Variants in GRM7 observed in about 807,000 individuals in gnomAD.
GRM7 encodes glutamate metabotropic receptor 7.
In GRM7, 35 loss-of-function variants were observed where a neutral mutation model predicts 84.5. The observed-to-expected ratio is 0.41, with a 90% CI of 0.32 to 0.55. GRM7 has a LOEUF of 0.55. GRM7 is among the 20% of genes least tolerant of loss of function. The pLI is 0.19. For synonymous variants in GRM7, 487 were observed against 455.1 expected, an observed-to-expected ratio of 1.07 and a Z score of -0.89; for missense variants, 1,003 against 1,194.6, an observed-to-expected ratio of 0.84 and a Z score of 2.36.
intron 7 of GRM7, among the ~76,000 whole-genome samples, chr3:7,478,761 C>A (rs777992904): frequency 3.0e-4 from 45 of 152,250 alleles, no homozygotes; most frequent in Non-Finnish European, 6.3e-4. Context: ...TTTTAGTACT[C>A]AAAGGTCATT....
intron 7 of GRM7, among the ~76,000 whole-genome samples, chr3:7,466,698 G>A (rs537784711): frequency 6.6e-6 from 1 of 152,314 alleles, no homozygotes; most frequent in African/African-American, 2.4e-5. Context: ...ACAGTGAACT[G>A]CATATTCTCT....
chr3:7,711,749 T>C (rs114804882), intron 9 of GRM7, among the ~76,000 whole-genome samples: 27 of 152,274 alleles, frequency 1.8e-4, no homozygotes, highest in East Asian at 5.8e-4. Context: ...CGCGGCACCA[T>C]TGGCGCCTTT....
chr3:7,186,836 T>A (rs1695532091), intron 2 of GRM7, among the ~76,000 whole-genome samples: 1 of 152,234 alleles, frequency 6.6e-6, no homozygotes. Flanking sequence ...CAAAGTTCTC[T>A]TGGGGCTAGT....
chr3:6,895,423 A>T (rs970465397), intron 1 of GRM7, among the ~76,000 whole-genome samples: 5 of 152,318 alleles, frequency 3.3e-5, no homozygotes, highest in Admixed American at 6.5e-5. Flanking sequence ...GACCATCAGA[A>T]TAACTGCTGT....
chr3:7,470,467 T>C (rs1559345608), intron 7 of GRM7, among the ~76,000 whole-genome samples: 1 of 152,208 alleles, frequency 6.6e-6, no homozygotes, highest in Non-Finnish European at 1.5e-5. Flanking sequence ...TTTCCTTTTG[T>C]CAGCATCTCT....
intron 2 of GRM7, among the ~76,000 whole-genome samples, chr3:7,217,473 A>G (rs923526924): frequency 6.6e-6 from 1 of 152,194 alleles, no homozygotes; most frequent in Non-Finnish European, 1.5e-5. Flanking sequence ...AGGAAAAAAA[A>G]TTACCAAGGC....
At chr3:7,013,642 G>A (rs886544166) in intron 1 of GRM7, among the ~76,000 whole-genome samples, 7 of 152,036 alleles carry the variant, frequency 4.6e-5, no homozygotes, top group African/African-American at 1.2e-4. Flanking sequence ...ATAAACTAGC[G>A]TGGTGGTGCG....
At position 7,091,550 on chromosome 3, in the gene GRM7, C is replaced by T. The variant is rs565270501; in HGVS notation, c.520-54902C>T. 1.1e-4 allele frequency among the ~76,000 whole-genome samples: 17 copies of T among 151,900 alleles called. No individual in the cohort carries two copies. The South Asian group carries it at 3.5e-3, about 32-fold the overall frequency. ...TGACCTTTTTGGCAGTGTCTACTCC[C>T]TTTTGGATTTTCACTCCCTTCCAGA... On this transcript the variant is annotated intron_variant, in intron 1 of 9. Coordinates refer to ENST00000357716, the MANE Select transcript of GRM7 (RefSeq NM_000844.4).
At chr3:7,010,254 C>T (rs968617622) in intron 1 of GRM7, among the ~76,000 whole-genome samples, 1 of 152,232 alleles carries the variant, frequency 6.6e-6, no homozygotes, top group South Asian at 2.1e-4. Flanking sequence ...AGTTGGAACC[C>T]AGCCTGGGCA....
At chr3:6,974,585 G>T (rs547543025) in intron 1 of GRM7, among the ~76,000 whole-genome samples, 2 of 152,128 alleles carry the variant, frequency 1.3e-5, no homozygotes, top group East Asian at 1.9e-4. Flanking sequence ...GGTAGGAAAA[G>T]AAAAAAGAGA....
chr3:7,474,903 C>T (rs763821538), intron 7 of GRM7, among the ~76,000 whole-genome samples: 10 of 152,082 alleles, frequency 6.6e-5, no homozygotes, highest in East Asian at 3.9e-4. Context: ...AATAACCAGT[C>T]GTATACTTAG....
intron 1 of GRM7, among the ~76,000 whole-genome samples, chr3:7,030,933 C>G (rs1696162417): frequency 6.6e-6 from 1 of 152,138 alleles, no homozygotes; most frequent in Non-Finnish European, 1.5e-5. Flanking sequence ...AAAACATCCT[C>G]CTCTCTTGCT....
intron 5 of GRM7, among the ~76,000 whole-genome samples, chr3:7,440,102 C>G (rs1169740158): frequency 6.6e-6 from 1 of 152,146 alleles, no homozygotes; most frequent in Non-Finnish European, 1.5e-5. Context: ...GGGATGAGAG[C>G]TTAGCAGATA....
At chr3:7,615,551 T>C (rs912622504) in intron 8 of GRM7, among the ~76,000 whole-genome samples, 5 of 152,168 alleles carry the variant, frequency 3.3e-5, no homozygotes, top group African/African-American at 1.2e-4. Context: ...TTTGAGGTAG[T>C]GGATAATATT....
chr3:6,867,669 T>C (rs896571499), intron 1 of GRM7, among the ~76,000 whole-genome samples: 1 of 152,178 alleles, frequency 6.6e-6, no homozygotes, highest in Non-Finnish European at 1.5e-5. Context: ...TGCAAACATA[T>C]TTCCCAACCA....
chr3:6,925,440 TCGAA>T (rs1697265203), intron 1 of GRM7, among the ~76,000 whole-genome samples: 1 of 147,052 alleles, frequency 6.8e-6, no homozygotes, highest in Admixed American at 6.7e-5. Flanking sequence ...TAGGCCAAAA[TCGAA>T]TCAATCAATC....
intron 1 of GRM7, among the ~76,000 whole-genome samples, chr3:6,929,330 C>A (rs1420267634): frequency 6.6e-6 from 1 of 152,210 alleles, no homozygotes; most frequent in Non-Finnish European, 1.5e-5. Context: ...CCCCTCTTAG[C>A]AGCTGCTCAT....
intron 2 of GRM7, among the ~76,000 whole-genome samples, chr3:7,296,496 C>A (rs1559561540): frequency 6.6e-6 from 1 of 151,942 alleles, no homozygotes; most frequent in Non-Finnish European, 1.5e-5. Flanking sequence ...ATCAGTTAAA[C>A]CATCTGAGCC....
chr3:7,016,559 A>G (rs931911071), intron 1 of GRM7, among the ~76,000 whole-genome samples: 12 of 152,296 alleles, frequency 7.9e-5, no homozygotes, highest in Middle Eastern at 6.8e-3. Flanking sequence ...CAGACAAGGC[A>G]AGTGTAAGTT....
Sources: allele counts gnomAD v4.1 joint callset (sites outside exome capture counted in the v4.1 genomes callset), GRCh38; gene constraint gnomAD v4.1.1; transcripts MANE v1.5; gene names NCBI Gene and HGNC (gene_info 2026-07-23, HGNC 2026-07-21).